EXD3: variants seen among roughly 807,000 people sequenced by gnomAD.
The protein encoded by EXD3 is exonuclease 3'-5' domain containing 3, also known as exonuclease mut-7 homolog.
Under a neutral mutation model 98.0 loss-of-function variants are expected in EXD3, and 92 were observed. That is an observed-to-expected ratio of 0.94 (90% CI 0.79 to 1.12). The LOEUF (loss-of-function observed/expected upper bound fraction) is 1.12. Among genes scored for constraint, EXD3 ranks in the 50% most tolerant of loss-of-function variants. The pLI is 0.00. For synonymous variants in EXD3, 569 were observed against 526.0 expected (o/e 1.08, Z -1.12); for missense variants, 1,222 against 1,191.6 (o/e 1.03, Z -0.38).
rs773912365 is a variant in EXD3, at chr9:137,371,397, CAG to C, written c.462+1506_462+1507del. 3.3e-5 allele frequency among the ~76,000 whole-genome samples: 5 copies of C among 152,056 alleles called. No individual in the cohort carries two copies. Among genetic ancestry groups the C allele is most frequent in the East Asian group, 1.9e-4 (1 of 5,150 alleles). Reference sequence around the variant, plus strand: ...AGGGGTGGGGCCCGCGCGGCCCACACAGGGGACACTCCTGTGAGGGCCCGGCC... The same window carrying C: ...AGGGGTGGGGCCCGCGCGGCCCACACGGGACACTCCTGTGAGGGCCCGGCC... On this transcript the variant is annotated intron_variant, in intron 5 of 21. Coordinates refer to ENST00000340951, the MANE Select transcript of EXD3 (RefSeq NM_017820.5). This position sits in a 1 kb window ranked among gnomAD's most constrained non-coding sequence, Gnocchi z 8.0.
chr9:137,422,139 C>G (rs1337781080), intron 1 of EXD3, among the ~76,000 whole-genome samples: 1 of 150,114 alleles, frequency 6.7e-6, no homozygotes, highest in African/African-American at 2.5e-5. Context: ...AAAAAACTCC[C>G]TGAAATGTCT....
Position 137,371,773 on chromosome 9 carries a change from A to G in EXD3, c.462+1132T>C, listed in dbSNP as rs1835624432. ...ACCCCCAAGCAGGACATCCCCTGGC[A>G]GGACACCCCCGGGCTTCTTTGCCGC... On this transcript the variant is annotated intron_variant, in intron 5 of 21. Coordinates refer to ENST00000340951, the MANE Select transcript of EXD3 (RefSeq NM_017820.5). This position sits in a 1 kb window ranked among gnomAD's most constrained non-coding sequence, Gnocchi z 8.0. Among the ~76,000 whole-genome samples the G allele has an allele frequency of 1.3e-5, 2 of 151,726 alleles. No homozygotes were observed. Among genetic ancestry groups the G allele is most frequent in the Non-Finnish European group, 2.9e-5 (2 of 67,872 alleles).
chr9:137,361,470 G>A lies in EXD3; in HGVS notation c.656+5023C>T, dbSNP rs1289725394. Among the ~76,000 whole-genome samples, 4 of 85,306 alleles carry A rather than the reference G, an allele frequency of 4.7e-5. 2 individuals carry two copies. The highest frequency in any genetic ancestry group is 1.6e-3 in the South Asian group (2 of 1,288). 56.0% of individuals were successfully genotyped at this position (85,306 alleles called of 152,430 possible). The stretch of plus-strand genomic sequence containing the variant: ...CTCAGAAATAGGGGAAAGTTAGGCC[G>A]GGCACTGTGGCTCATGCCTGTAATC... On this transcript the variant is annotated intron_variant, in intron 7 of 21. Transcript: ENST00000340951.
At chr9:137,421,243 G>GA (rs1277105899) in intron 1 of EXD3, among the ~76,000 whole-genome samples, 1 of 152,066 alleles carries the variant, frequency 6.6e-6, no homozygotes, top group Non-Finnish European at 1.5e-5. Flanking sequence ...CTGATGTGGG[G>GA]AAAAAAAGTC....
chr9:137,373,423 C>T lies in EXD3; in HGVS notation c.294+3G>A, dbSNP rs774806872. 1.9e-6 allele frequency: 3 copies of T among 1,605,582 alleles called. No individual in the cohort carries two copies. Among genetic ancestry groups the T allele is most frequent in the Non-Finnish European group, 2.5e-6 (3 of 1,179,180 alleles). On this transcript the variant is annotated splice_donor_region_variant and intron_variant, in intron 4 of 21. Transcript: ENST00000340951. The stretch of plus-strand genomic sequence containing the variant: ...GTGACTGTCACAGAACCCATGGGCT[C>T]ACCTGGGCCAGGCTCGGGCATGGCT...
At chr9:137,352,344 C>G (rs562183217) in intron 11 of EXD3, 143 bp from the exon 12 acceptor site, 1 of 1,190,206 alleles carries the variant, frequency 8.4e-7, no homozygotes, top group East Asian at 2.4e-5. Flanking sequence ...CTCAGTCCAG[C>G]CCAGCGTGAC....
At chr9:137,391,016 C>G (rs954306342) in intron 2 of EXD3, among the ~76,000 whole-genome samples, 2 of 152,232 alleles carry the variant, frequency 1.3e-5, no homozygotes, top group Non-Finnish European at 2.9e-5. Context: ...GTGTCCACAC[C>G]TCTGGGGGAC....
intron 19 of EXD3, among the ~76,000 whole-genome samples, chr9:137,313,809 T>C (rs1052686297): frequency 6.6e-6 from 1 of 152,104 alleles, no homozygotes; most frequent in Non-Finnish European, 1.5e-5. Context: ...TTTCTGCTCA[T>C]TTAGAGCAAA....
intron 12 of EXD3, 26 bp downstream of exon 12, chr9:137,352,040 G>A (rs374446279): frequency 2.4e-5 from 39 of 1,594,368 alleles, no homozygotes; most frequent in African/African-American, 4.0e-5. Context: ...ACCACCGGGC[G>A]CTGCCCCAGC....
intron 19 of EXD3, among the ~76,000 whole-genome samples, 196 bp downstream of exon 19, chr9:137,323,529 G>A (rs1477739726): frequency 2.0e-5 from 2 of 99,192 alleles, no homozygotes; most frequent in African/African-American, 6.1e-5. Flanking sequence ...GGACCCACGA[G>A]GGATGATCTG....
Position 137,351,399 on chromosome 9 carries a change from G to T in EXD3, c.1303C>A (p.Gln435Lys). ...TGGGCTCCCTGCCCTGTTGGTGGCT[G>T]CGAGAGTGCCAGGACGTCCAGAAGG... The part of the protein sequence containing the change: ...VFLLDVLALS[Q>K]PPTGQGAQAF... Residue 435 changes from glutamine to lysine, a missense_variant, in exon 13 of 22, where the codon CAG becomes AAG. Gln to Lys is a moderately conservative substitution (Grantham distance 53, BLOSUM62 1). Coordinates refer to ENST00000340951, the MANE Select transcript of EXD3 (RefSeq NM_017820.5). 6.2e-7 allele frequency: 1 copy of T among 1,610,302 alleles called. No homozygotes were observed. Among genetic ancestry groups the T allele is most frequent in the Non-Finnish European group, 8.5e-7 (1 of 1,179,110 alleles).
rs761574559 is a variant in EXD3 at position 137,403,678 on chromosome 9, C to T, written c.-47-8274G>A. Among the ~76,000 whole-genome samples, 39 of 152,246 alleles carry T rather than the reference C, an allele frequency of 2.6e-4. No individual in the cohort carries two copies. The highest frequency in any genetic ancestry group is 4.6e-4 in the Non-Finnish European group (31 of 68,020). On this transcript the variant is annotated intron_variant, in intron 1 of 21. Transcript: ENST00000340951. This position sits in a 1 kb window ranked among gnomAD's most constrained non-coding sequence, Gnocchi z 6.1. ...CTTGGGGGAGATGGACCAGCAGGCC[C>T]GAGATCCAGGGTCTTAGGGCTCCTC...
chr9:137,358,079 G>C (rs137982360), intron 7 of EXD3, among the ~76,000 whole-genome samples: 1 of 152,226 alleles, frequency 6.6e-6, no homozygotes, highest in African/African-American at 2.4e-5. Flanking sequence ...CACCCTCACA[G>C]ACACACCCAG....
Position 137,355,712 on chromosome 9 carries a change from G to A in EXD3, c.757+556C>T, listed in dbSNP as rs71485018. On this transcript the variant is annotated intron_variant, in intron 8 of 21. Coordinates refer to ENST00000340951, the MANE Select transcript of EXD3 (RefSeq NM_017820.5). ...GAGAAAGGGAGGAAGGAGGAAGGAG[G>A]AAGGAGGAAGGAGGAAGGAGGACCT... Among the ~76,000 whole-genome samples the A allele has an allele frequency of 5.6e-4, 82 of 145,776 alleles. 1 individual carries two copies. Among genetic ancestry groups the A allele is most frequent in the African/African-American group, 1.5e-3 (54 of 37,154 alleles).
intron 19 of EXD3, among the ~76,000 whole-genome samples, chr9:137,316,251 G>A (rs1831652275): frequency 6.6e-6 from 1 of 151,866 alleles, no homozygotes; most frequent in Admixed American, 6.6e-5. Flanking sequence ...GCCGGCCTTG[G>A]AAACGGCCAC....
At chr9:137,381,756 C>T (rs896306219) in intron 3 of EXD3, among the ~76,000 whole-genome samples, 1 of 152,222 alleles carries the variant, frequency 6.6e-6, no homozygotes, top group Admixed American at 6.5e-5. Flanking sequence ...TCTGTGCCAC[C>T]ATATGGGGGT....
chr9:137,333,303 G>A (rs1398003876), intron 17 of EXD3, among the ~76,000 whole-genome samples: 1 of 152,158 alleles, frequency 6.6e-6, no homozygotes, highest in Admixed American at 6.6e-5. Flanking sequence ...ATCCACCACT[G>A]GCTTCCTGGC....
chr9:137,376,911 AAGAG>A (rs1197175090), intron 3 of EXD3, among the ~76,000 whole-genome samples: 1 of 149,862 alleles, frequency 6.7e-6, no homozygotes, highest in Non-Finnish European at 1.5e-5. Context: ...GCTGGGCGAC[AAGAG>A]AGAATCTCCA....
intron 3 of EXD3, among the ~76,000 whole-genome samples, chr9:137,378,406 C>T (rs567562990): frequency 5.9e-5 from 9 of 152,018 alleles, no homozygotes; most frequent in South Asian, 2.1e-4. Context: ...GATGGGGTTT[C>T]GCCATTGTTG....
Sources: gnomAD v4.1 joint callset for allele counts (sites outside exome capture counted in the v4.1 genomes callset) on GRCh38, gnomAD v4.1.1 for gene constraint, Gnocchi (gnomAD v3.1) non-coding constraint, MANE v1.5 for transcripts, NCBI Gene and HGNC (gene_info 2026-07-23, HGNC 2026-07-21) for gene names.